ANO4: variants seen among roughly 807,000 people sequenced by gnomAD.
The protein encoded by ANO4 is anoctamin-4.
Under a neutral mutation model 141.9 loss-of-function variants are expected in ANO4, and 69 were observed. The observed-to-expected ratio is 0.49, with a 90% CI of 0.40 to 0.59. The LOEUF (loss-of-function observed/expected upper bound fraction) is 0.59. ANO4 is among the 20% of genes least tolerant of loss of function. ANO4 has a pLI of 0.00. For synonymous variants in ANO4, 350 were observed against 394.3 expected (o/e 0.89, Z 1.33); for missense variants, 894 against 1,162.2 (o/e 0.77, Z 3.36).
intron 2 of ANO4, among the ~76,000 whole-genome samples, chr12:100,905,519 A>G (rs1234033059): frequency 6.6e-6 from 1 of 152,238 alleles, no homozygotes; most frequent in Admixed American, 6.5e-5. Flanking sequence ...ACTGAGAATT[A>G]GTCGATTTTA....
chr12:100,910,146 A>G (rs2041035757), intron 2 of ANO4, among the ~76,000 whole-genome samples: 1 of 152,212 alleles, frequency 6.6e-6, no homozygotes, highest in African/African-American at 2.4e-5. Context: ...TTGTTATGGC[A>G]ATTAAATAAT....
At chr12:101,106,683 G>A (rs1334955498) in intron 22 of ANO4, among the ~76,000 whole-genome samples, 2 of 150,444 alleles carry the variant, frequency 1.3e-5, no homozygotes, top group African/African-American at 2.4e-5. Context: ...AAATAGAGGA[G>A]AATTCAGTTT....
intron 1 of ANO4, among the ~76,000 whole-genome samples, chr12:100,880,451 C>T (rs1161557611): frequency 6.6e-6 from 1 of 152,184 alleles, no homozygotes; most frequent in African/African-American, 2.4e-5. Context: ...TTCAAGGTCA[C>T]CGAGCAAGTC....
chr12:101,090,961 G>A (rs1053607119), intron 17 of ANO4, among the ~76,000 whole-genome samples: 4 of 152,154 alleles, frequency 2.6e-5, no homozygotes, highest in South Asian at 2.1e-4. Flanking sequence ...GCAAAAGTAC[G>A]TAGTTGCTGA....
chr12:100,822,262 A>G (rs1269614381), intron 1 of ANO4, among the ~76,000 whole-genome samples: 1 of 151,998 alleles, frequency 6.6e-6, no homozygotes, highest in Non-Finnish European at 1.5e-5. Flanking sequence ...GCTAGGCTGG[A>G]TCATGTGGAG....
chr12:101,017,827 T>G (rs939708738), intron 8 of ANO4, among the ~76,000 whole-genome samples: 1 of 152,234 alleles, frequency 6.6e-6, no homozygotes, highest in Admixed American at 6.5e-5. Context: ...GTATTGAGAC[T>G]GTTTAGAATA....
intron 1 of ANO4, among the ~76,000 whole-genome samples, chr12:100,846,874 T>C (rs2037590084): frequency 6.6e-6 from 1 of 152,160 alleles, no homozygotes; most frequent in African/African-American, 2.4e-5. Flanking sequence ...TCCATGTCTA[T>C]CTTATTCCCT....
At chr12:100,856,063 A>G (rs1214917976) in intron 1 of ANO4, among the ~76,000 whole-genome samples, 1 of 152,168 alleles carries the variant, frequency 6.6e-6, no homozygotes, top group Non-Finnish European at 1.5e-5. Context: ...AGAGAACTTA[A>G]CGGAGAAACA....
chr12:100,844,257 A>G (rs1392847933), intron 1 of ANO4, among the ~76,000 whole-genome samples: 3 of 152,118 alleles, frequency 2.0e-5, no homozygotes, highest in Non-Finnish European at 4.4e-5. Flanking sequence ...CTTAGAGACA[A>G]GAATGATGAT....
intron 14 of ANO4, chr12:101,068,763 AGCCT>A (rs1360514194): frequency 1.6e-6 from 2 of 1,270,422 alleles, no homozygotes; most frequent in Non-Finnish European, 2.3e-6. Context: ...TTCACACTGC[AGCCT>A]GCTTACATAG....
Position 100,910,466 on chromosome 12 carries a change from A to C in ANO4, c.55+8626A>C, listed in dbSNP as rs1028301950. ...ATTGTTTCAATTCTTTCTCCTGTTT[A>C]TCAATTTCATTTTGACCTTATCCTT... On this transcript the variant is annotated intron_variant, in intron 2 of 27. Transcript: ENST00000392977. 2.0e-5 allele frequency among the ~76,000 whole-genome samples: 3 copies of C among 152,052 alleles called. No individual in the cohort carries two copies. The East Asian group carries it at 5.8e-4, about 29-fold the overall frequency.
At chr12:100,736,858 C>T (rs1418473140) in intron 2 of ANO4, among the ~76,000 whole-genome samples, 2 of 152,168 alleles carry the variant, frequency 1.3e-5, no homozygotes, top group Non-Finnish European at 2.9e-5. Flanking sequence ...CACCAGAAGC[C>T]TGGAGAGAGG....
At chr12:100,924,393 G>A (rs1183030812) in intron 3 of ANO4, among the ~76,000 whole-genome samples, 1 of 152,088 alleles carries the variant, frequency 6.6e-6, no homozygotes, top group Non-Finnish European at 1.5e-5. Context: ...TGATAATAAT[G>A]GAGACCAGAC....
chr12:101,111,445 T>A, intron 23 of ANO4, 118 bp from the exon 24 acceptor site: 6 of 955,976 alleles, frequency 6.3e-6, no homozygotes, highest in Non-Finnish European at 8.9e-6. Flanking sequence ...CAACTGTCAG[T>A]ATTTGGAAAG....
chr12:100,980,603 A>T (rs953371604), intron 7 of ANO4, among the ~76,000 whole-genome samples: 1 of 152,216 alleles, frequency 6.6e-6, no homozygotes. Flanking sequence ...CCATGAAAGC[A>T]TCTCTGAAAC....
chr12:100,840,297 G>A (rs1233614370), intron 1 of ANO4, among the ~76,000 whole-genome samples: 7 of 152,094 alleles, frequency 4.6e-5, no homozygotes, highest in African/African-American at 7.2e-5. Context: ...ATTGGTTCTT[G>A]TAAGTGTTGA....
At chr12:101,096,446 C>T in intron 18 of ANO4, 90 bp from the exon 19 acceptor site, 1 of 1,051,896 alleles carries the variant, frequency 9.5e-7, no homozygotes, top group South Asian at 1.4e-5. Flanking sequence ...ACTCCTGCGT[C>T]CCCACCCTGT....
chr12:101,000,969 C>G (rs908717676), intron 8 of ANO4, among the ~76,000 whole-genome samples: 1 of 152,168 alleles, frequency 6.6e-6, no homozygotes, highest in African/African-American at 2.4e-5. Flanking sequence ...CAAACACTTT[C>G]AATGCCTATT....
At chr12:100,758,548 G>C (rs1014154101) in intron 3 of ANO4, among the ~76,000 whole-genome samples, 3 of 152,134 alleles carry the variant, frequency 2.0e-5, no homozygotes, top group African/African-American at 7.2e-5. Context: ...CTTAAATGTT[G>C]TGATCCCATA....
Sources: allele counts gnomAD v4.1 joint callset (sites outside exome capture counted in the v4.1 genomes callset), GRCh38; gene constraint gnomAD v4.1.1; transcripts MANE v1.5; gene names NCBI Gene and HGNC (gene_info 2026-07-23, HGNC 2026-07-21).